The following OR2A14 variants were observed in gnomAD, a reference collection of about 807,000 sequenced individuals.
The protein encoded by OR2A14 is olfactory receptor 2A14.
In OR2A14, 2 loss-of-function variants were observed where a neutral mutation model predicts 2.4. The ratio of observed to expected loss-of-function variants is 0.85; its 90% CI spans 0.35 to 2.67. The LOEUF (loss-of-function observed/expected upper bound fraction) is 2.67, where lower values mean the gene tolerates loss of function less well. Among genes scored for constraint, OR2A14 ranks in the 30% most tolerant of loss-of-function variants. The pLI is 0.10. For missense variants in OR2A14, 390 were observed against 379.4 expected (o/e 1.03, Z -0.23); for synonymous variants, 160 against 156.3 (o/e 1.02, Z -0.18).
rs2051522893 is a variant in OR2A14, at chr7:144,130,342, A to G, written c.*297A>G. ...TGTGCTCATCAAAGTCACCATTAAG[A>G]AAGAAGAAATGCAAGCCACAAACCA... is the stretch of plus-strand genomic sequence containing the variant. On this transcript the variant is annotated 3_prime_UTR_variant, in exon 2 of 2. Coordinates refer to ENST00000641068, the MANE Select transcript of OR2A14 (RefSeq NM_001001659.3). 1 of 215,874 alleles carries G rather than the reference A, an allele frequency of 4.6e-6. No individual in the cohort carries two copies. Among genetic ancestry groups the G allele is most frequent in the Non-Finnish European group, 9.3e-6 (1 of 107,586 alleles). 13.4% of individuals were successfully genotyped at this position (215,874 alleles called of 1,614,324 possible). A position where few individuals can be genotyped will look rare whatever the true frequency, so the allele number is the denominator to read the frequency against.
intron 1 of OR2A14, among the ~76,000 whole-genome samples, chr7:144,126,762 T>C (rs1455859684): frequency 6.6e-6 from 1 of 152,086 alleles, no homozygotes; most frequent in East Asian, 1.9e-4. Flanking sequence ...TCGGATATAA[T>C]TCAAAAAGGT....
Position 144,129,392 on chromosome 7 carries a change from T to A in OR2A14, c.280T>A (p.Phe94Ile), listed in dbSNP as rs1284086396. 5 of 1,614,218 alleles carry A rather than the reference T, an allele frequency of 3.1e-6. No homozygotes were observed. Among genetic ancestry groups the A allele is most frequent in the Non-Finnish European group, 4.2e-6 (5 of 1,180,030 alleles). Residue 94 changes from phenylalanine (F) to isoleucine (I), a missense_variant, in exon 2 of 2, where the codon TTT becomes ATT. Phe to Ile is a conservative substitution (Grantham distance 21). Coordinates refer to ENST00000641068, the MANE Select transcript of OR2A14 (RefSeq NM_001001659.3). ...LMNQESTISF[F>I]PCIMQTFLYL... ...GAACCAGGAAAGCACCATCTCCTTT[T>A]TTCCATGCATAATGCAGACATTCTT...
rs1403148594 is a variant in OR2A14 at position 144,130,199 on chromosome 7, A to G, written c.*154A>G. ...AACTGAAGACACAAATCTTTTAGAA[A>G]AGATAGGTAAATGCATTTATAATAC... On this transcript the variant is annotated 3_prime_UTR_variant, in exon 2 of 2. Transcript: ENST00000641068. 7.0e-6 allele frequency: 4 copies of G among 575,460 alleles called. No homozygotes were observed. The Admixed American group carries it at 1.0e-4, about 15-fold the overall frequency. 35.6% of individuals were successfully genotyped at this position (575,460 alleles called of 1,614,324 possible). A position where few individuals can be genotyped will look rare whatever the true frequency, so the allele number is the denominator to read the frequency against.
At chr7:144,124,551 T>C (rs1396396105) in intron 1 of OR2A14, among the ~76,000 whole-genome samples, 2 of 151,590 alleles carry the variant, frequency 1.3e-5, no homozygotes, top group Non-Finnish European at 2.9e-5. Context: ...TATTTCTGAG[T>C]AATTGCAAAG....
At chr7:144,124,423 T>C (rs544895377) in intron 1 of OR2A14, among the ~76,000 whole-genome samples, 58 of 142,742 alleles carry the variant, frequency 4.1e-4, no homozygotes, top group African/African-American at 1.3e-3. Context: ...GATCTCACCA[T>C]TGCACTCCAG....
rs1227154541 is a variant in OR2A14 at position 144,129,924 on chromosome 7, A to AAGTT, written c.813_816dup (p.Leu273SerfsTer19). Reference sequence around the variant, plus strand: ...TCCCGCCATCCTGAGGAGCAGCAGAAAGTTCTTTCCCTGTTTTACAGCCTT... The same window carrying AAGTT: ...TCCCGCCATCCTGAGGAGCAGCAGAAAGTTAGTTCTTTCCCTGTTTTACAGCCTT... On this transcript the variant is annotated frameshift_variant, in exon 2 of 2. Transcript: ENST00000641068. LOFTEE classifies it high-confidence loss of function. 2 of 1,614,142 alleles carry AAGTT rather than the reference A, an allele frequency of 1.2e-6. No homozygotes were observed. The highest frequency in any genetic ancestry group is 1.7e-6 in the Non-Finnish European group (2 of 1,180,014).
intron 1 of OR2A14, among the ~76,000 whole-genome samples, chr7:144,127,662 T>C (rs182811618): frequency 6.6e-6 from 1 of 152,354 alleles, no homozygotes; most frequent in East Asian, 1.9e-4. Flanking sequence ...TTGTAATGTT[T>C]AAATACTCTG....
At chr7:144,127,534 A>C (rs1421081957) in intron 1 of OR2A14, among the ~76,000 whole-genome samples, 1 of 151,888 alleles carries the variant, frequency 6.6e-6, no homozygotes, top group African/African-American at 2.4e-5. Context: ...AATAAGAAAT[A>C]AACAAAAATT....
At chr7:144,128,479 G>A (rs964347070) in intron 1 of OR2A14, among the ~76,000 whole-genome samples, 44 of 152,302 alleles carry the variant, frequency 2.9e-4, no homozygotes, top group Admixed American at 1.6e-3. Flanking sequence ...CTGCTAGGGA[G>A]TACTGGCCAG....
At chr7:144,125,137 A>C (rs953212848) in intron 1 of OR2A14, among the ~76,000 whole-genome samples, 1 of 152,214 alleles carries the variant, frequency 6.6e-6, no homozygotes, top group Non-Finnish European at 1.5e-5. Context: ...TTTACATTTG[A>C]CAATAATGAG....
Position 144,129,716 on chromosome 7 carries a change from T to C in OR2A14, c.604T>C (p.Cys202Arg). ...WLNQVVIFAA[C>R]VFILVGPLCL... Reference sequence around the variant, plus strand: ...CAACCAGGTGGTCATCTTTGCAGCCTGCGTGTTCATCCTGGTGGGGCCACT... The same window carrying C: ...CAACCAGGTGGTCATCTTTGCAGCCCGCGTGTTCATCCTGGTGGGGCCACT... Residue 202 changes from cysteine to arginine, a missense_variant, in exon 2 of 2, where the codon TGC becomes CGC. Transcript: ENST00000641068. 6.2e-7 allele frequency: 1 copy of C among 1,614,128 alleles called. No individual in the cohort carries two copies. Among genetic ancestry groups the C allele is most frequent in the Non-Finnish European group, 8.5e-7 (1 of 1,180,036 alleles).
In OR2A14 at chr7:144,127,450, A is replaced by G. The variant is rs1289351249; in HGVS notation, c.-34-1629A>G. Among the ~76,000 whole-genome samples, 4 of 152,360 alleles carry G rather than the reference A, an allele frequency of 2.6e-5. No homozygotes were observed. The South Asian group carries it at 6.2e-4, about 24-fold the overall frequency. ...TTAGCATCTGCAATTTCACTTTTAGAATATGTTCTAATAAATAATTATGAA... is the reference window on the plus strand; with the variant it reads ...TTAGCATCTGCAATTTCACTTTTAGGATATGTTCTAATAAATAATTATGAA... On this transcript the variant is annotated intron_variant, in intron 1 of 1. Coordinates refer to ENST00000641068, the MANE Select transcript of OR2A14 (RefSeq NM_001001659.3).
chr7:144,124,809 G>A (rs2051470469), intron 1 of OR2A14, among the ~76,000 whole-genome samples: 1 of 151,946 alleles, frequency 6.6e-6, no homozygotes, highest in Non-Finnish European at 1.5e-5. Context: ...CTTCAAAGGA[G>A]TCTTCCATTT....
At chr7:144,128,551 T>G (rs946206804) in intron 1 of OR2A14, among the ~76,000 whole-genome samples, 1 of 152,164 alleles carries the variant, frequency 6.6e-6, no homozygotes, top group African/African-American at 2.4e-5. Context: ...TGAAAGCTAT[T>G]TAAAAGTGAT....
At chr7:144,126,696 AT>A (rs2051484811) in intron 1 of OR2A14, among the ~76,000 whole-genome samples, 1 of 152,186 alleles carries the variant, frequency 6.6e-6, no homozygotes, top group South Asian at 2.1e-4. Context: ...GTAATGAATC[AT>A]GCCCTCTCTC....
intron 1 of OR2A14, among the ~76,000 whole-genome samples, chr7:144,128,839 T>G (rs1483527512): frequency 1.3e-5 from 2 of 152,238 alleles, no homozygotes; most frequent in Admixed American, 6.5e-5. Context: ...TATATTATAA[T>G]AGATCCTGTT....
In OR2A14 at chr7:144,130,143, T is replaced by A; in HGVS notation, c.*98T>A. 2 of 895,572 alleles carry A rather than the reference T, an allele frequency of 2.2e-6. No individual in the cohort carries two copies. The highest frequency in any genetic ancestry group is 3.5e-6 in the Non-Finnish European group (2 of 577,846). The allele number at this position is 895,572 out of a possible 1,614,324, so 55.5% of individuals were successfully genotyped here. ...TCTTCTGCTAGAATAAATGCTACCTTAAACTGGAATACTATAGACCTATAC... is the reference window on the plus strand; with the variant it reads ...TCTTCTGCTAGAATAAATGCTACCTAAAACTGGAATACTATAGACCTATAC... On this transcript the variant is annotated 3_prime_UTR_variant, in exon 2 of 2. Coordinates refer to ENST00000641068, the MANE Select transcript of OR2A14 (RefSeq NM_001001659.3).
chr7:144,129,419 T>C lies in OR2A14; in HGVS notation c.307T>C (p.Tyr103His). 1 of 1,614,202 alleles carries C rather than the reference T, an allele frequency of 6.2e-7. No homozygotes were observed. The highest frequency in any genetic ancestry group is 8.5e-7 in the Non-Finnish European group (1 of 1,180,020). ...FFPCIMQTFL[Y>H]LAFAHVECLI... is the part of the protein sequence containing the mutation. ...TCCATGCATAATGCAGACATTCTTG[T>C]ATTTGGCTTTTGCTCACGTAGAGTG... The change falls in exon 2 of 2, where the codon TAT becomes CAT. Residue 103 changes from tyrosine to histidine, a missense_variant. Tyr to His is a moderately conservative substitution (Grantham distance 83). Transcript: ENST00000641068.
Position 144,129,063 on chromosome 7 carries a change from T to G in OR2A14, c.-34-16T>G. The G allele has an allele frequency of 6.9e-7, 1 of 1,448,820 alleles. No homozygotes were observed. The highest frequency in any genetic ancestry group is 9.5e-7 in the Non-Finnish European group (1 of 1,055,442). 89.7% of individuals were successfully genotyped at this position (1,448,820 alleles called of 1,614,324 possible). A position where few individuals can be genotyped will look rare whatever the true frequency, so the allele number is the denominator to read the frequency against. On this transcript the variant is annotated splice_polypyrimidine_tract_variant and intron_variant, in intron 1 of 1. Coordinates refer to ENST00000641068, the MANE Select transcript of OR2A14 (RefSeq NM_001001659.3). ...TTTCTAAGTGCTCCCTCTGTGCATC[T>G]TTGACTGGCCCACAGCTCTGACCTT...
Sources: allele counts gnomAD v4.1 joint callset (sites outside exome capture counted in the v4.1 genomes callset), GRCh38; gene constraint gnomAD v4.1.1; transcripts MANE v1.5; gene names NCBI Gene and HGNC (gene_info 2026-07-23, HGNC 2026-07-21).